RPRD2: variants seen among roughly 807,000 people sequenced by gnomAD.
RPRD2 encodes regulation of nuclear pre-mRNA domain-containing protein 2.
Under a neutral mutation model 104.4 loss-of-function variants are expected in RPRD2, and 12 were observed. The observed-to-expected ratio is 0.11, with a 90% confidence interval of 0.07 to 0.19. The LOEUF (loss-of-function observed/expected upper bound fraction) is 0.19, where lower values mean the gene tolerates loss of function less well. Among genes scored for constraint, RPRD2 ranks in the 10% least tolerant of loss-of-function variants. The pLI, the probability that RPRD2 is intolerant of heterozygous loss-of-function variation, is 1.00. For missense variants in RPRD2, 1,543 were observed against 1,790.1 expected, an observed-to-expected ratio of 0.86 and a Z score of 2.49; for synonymous variants, 714 against 684.9, an observed-to-expected ratio of 1.04 and a Z score of -0.66.
Position 150,394,448 on chromosome 1 carries a change from A to G in RPRD2, c.206-23148A>G, listed in dbSNP as rs1662334321. Among the ~76,000 whole-genome samples, 3 of 152,308 alleles carry G rather than the reference A, an allele frequency of 2.0e-5. No individual in the cohort carries two copies. In the South Asian group the frequency reaches 6.2e-4, roughly 32 times the overall value. On this transcript the variant is annotated intron_variant, in intron 1 of 10. Transcript: ENST00000369068. ...TAAATTATATTGCTCTCTACAATCT[A>G]CTTTAAGATGGTTTGGCAAAAGAGA...
chr1:150,440,908 T>G lies in RPRD2; in HGVS notation c.336-15T>G. On this transcript the variant is annotated splice_polypyrimidine_tract_variant and intron_variant, in intron 2 of 10. Coordinates refer to ENST00000369068, the MANE Select transcript of RPRD2 (RefSeq NM_015203.5). ...AAGGTTTTTATAGTCTGTATTACTT[T>G]TTCTTTGTTTTCAGGGATCCATCTG... 7.3e-7 allele frequency: 1 copy of G among 1,373,610 alleles called. No individual in the cohort carries two copies. Among genetic ancestry groups the G allele is most frequent in the Non-Finnish European group, 1.0e-6 (1 of 987,476 alleles). 85.1% of individuals were successfully genotyped at this position (1,373,610 alleles called of 1,614,324 possible).
At position 150,442,576 on chromosome 1, in the gene RPRD2, C is replaced by T. The variant is rs1666476148; in HGVS notation, c.514+618C>T. 3.3e-5 allele frequency among the ~76,000 whole-genome samples: 5 copies of T among 152,254 alleles called. No individual in the cohort carries two copies. The South Asian group carries it at 1.0e-3, about 32-fold the overall frequency. On this transcript the variant is annotated intron_variant, in intron 4 of 10. Transcript: ENST00000369068. ...GGTGTGGAGGGAACAAAGTAAAAGA[C>T]AGTGAGAATTGGGAGGTGAAACGAG...
intron 6 of RPRD2, among the ~76,000 whole-genome samples, chr1:150,445,958 C>T (rs1183350375): frequency 6.6e-6 from 1 of 151,458 alleles, no homozygotes; most frequent in Admixed American, 6.6e-5. Flanking sequence ...GTCCCAGCCA[C>T]TCGGGAGGCT....
intron 2 of RPRD2, among the ~76,000 whole-genome samples, chr1:150,435,222 C>T (rs1370896489): frequency 6.6e-6 from 1 of 152,210 alleles, no homozygotes; most frequent in Non-Finnish European, 1.5e-5. Context: ...CACTAACCCA[C>T]CATTCCCCAT....
chr1:150,400,885 T>A lies in RPRD2; in HGVS notation c.206-16711T>A, dbSNP rs377474606. Reference sequence around the variant, plus strand: ...AGCCTTTCATAGTACTTTTTTTTTTTAAAAAAAAGAGGGCTGGGCGCGGTG... The same window carrying A: ...AGCCTTTCATAGTACTTTTTTTTTTAAAAAAAAAGAGGGCTGGGCGCGGTG... On this transcript the variant is annotated intron_variant, in intron 1 of 10. Coordinates refer to ENST00000369068, the MANE Select transcript of RPRD2 (RefSeq NM_015203.5). 9.7e-3 allele frequency among the ~76,000 whole-genome samples: 1,434 copies of A among 148,592 alleles called. 12 individuals are homozygous for A. Among genetic ancestry groups the A allele is most frequent in the South Asian group, 0.035 (164 of 4,746 alleles).
At chr1:150,421,682 AAG>A (rs1664766397) in intron 2 of RPRD2, among the ~76,000 whole-genome samples, 1 of 152,206 alleles carries the variant, frequency 6.6e-6, no homozygotes, top group South Asian at 2.1e-4. Context: ...ATATTAAAAT[AAG>A]AGCTTAATGC....
At chr1:150,412,010 C>T (rs1663970652) in intron 1 of RPRD2, among the ~76,000 whole-genome samples, 1 of 151,448 alleles carries the variant, frequency 6.6e-6, no homozygotes, top group African/African-American at 2.4e-5. Flanking sequence ...GTAATCCCAG[C>T]TGCTGGAGAG....
Position 150,471,311 on chromosome 1 carries a change from C to T in RPRD2, c.2363C>T (p.Thr788Ile). Residue 788 changes from threonine to isoleucine, a missense_variant, in exon 11 of 11, where the codon ACA becomes ATA. By Grantham distance (89) the Thr-to-Ile change is moderately conservative (BLOSUM62 -1). Transcript: ENST00000369068. The surrounding 1 kb of genome is among the most constrained non-coding windows in gnomAD (Gnocchi z 5.3). ...CGAGAGCTCTCCAATTCTGTATCTA[C>T]ATATCGACCCTTTGGTCTGGGCAGT... ...YPRELSNSVS[T>I]YRPFGLGSES... 6.2e-7 allele frequency: 1 copy of T among 1,613,860 alleles called. No individual in the cohort carries two copies. Among genetic ancestry groups the T allele is most frequent in the Non-Finnish European group, 8.5e-7 (1 of 1,179,872 alleles).
At chr1:150,453,488 C>T (rs1288391930) in intron 7 of RPRD2, among the ~76,000 whole-genome samples, 1 of 152,172 alleles carries the variant, frequency 6.6e-6, no homozygotes, top group Non-Finnish European at 1.5e-5. Flanking sequence ...GGTCCATTCT[C>T]TCTAAGCCAC....
At chr1:150,399,626 G>A (rs1553884915) in intron 1 of RPRD2, among the ~76,000 whole-genome samples, 1 of 151,738 alleles carries the variant, frequency 6.6e-6, no homozygotes, top group African/African-American at 2.4e-5. Context: ...GTGTGATGGT[G>A]GGCGCCTGTA....
chr1:150,368,331 C>T (rs1660009844), intron 1 of RPRD2, among the ~76,000 whole-genome samples: 1 of 147,970 alleles, frequency 6.8e-6, no homozygotes, highest in Non-Finnish European at 1.5e-5. Flanking sequence ...TTCGCTTTGT[C>T]GTCCAGTCTG....
chr1:150,379,734 A>G (rs1268558133), intron 1 of RPRD2, among the ~76,000 whole-genome samples: 1 of 151,758 alleles, frequency 6.6e-6, no homozygotes, highest in Admixed American at 6.6e-5. Flanking sequence ...ATGGGATTTC[A>G]CCATGTGTGG....
chr1:150,409,806 G>A (rs782486045), intron 1 of RPRD2, among the ~76,000 whole-genome samples: 21 of 151,736 alleles, frequency 1.4e-4, no homozygotes, highest in Middle Eastern at 3.2e-3. Context: ...CACCACACCC[G>A]GCTAATTTTT....
At chr1:150,414,555 G>GGACCCGGAGAGGTAGGATGAA (rs1664196822) in intron 1 of RPRD2, among the ~76,000 whole-genome samples, 1 of 152,102 alleles carries the variant, frequency 6.6e-6, no homozygotes, top group African/African-American at 2.4e-5. Flanking sequence ...TTCTAGAGGA[G>GGACCCGGAGAGGTAGGATGAA]GACCCGGAGA....
At chr1:150,399,170 CTT>C (rs1553884829) in intron 1 of RPRD2, among the ~76,000 whole-genome samples, 3 of 151,852 alleles carry the variant, frequency 2.0e-5, no homozygotes. Context: ...CCTCGGTTAT[CTT>C]TTAATTTTTC....
At chr1:150,457,185 C>T (rs1667591843) in intron 7 of RPRD2, 103 bp from the exon 8 acceptor site, 3 of 1,129,642 alleles carry the variant, frequency 2.7e-6, no homozygotes, top group African/African-American at 1.6e-5. Context: ...GATTGTGCCA[C>T]TACACTCTAG....
At chr1:150,432,514 T>C (rs797032660) in intron 2 of RPRD2, among the ~76,000 whole-genome samples, 2 of 151,512 alleles carry the variant, frequency 1.3e-5, no homozygotes, top group Non-Finnish European at 2.9e-5. Flanking sequence ...ATTTTGGAAA[T>C]AGTAGTGAGA....
chr1:150,460,023 T>C, intron 8 of RPRD2, 37 bp from the exon 9 acceptor site: 1 of 1,601,826 alleles, frequency 6.2e-7, no homozygotes, highest in Non-Finnish European at 8.5e-7. Context: ...GTCTGGAAAG[T>C]AGTAGGATGT....
chr1:150,448,109 A>G (rs2102377309), intron 7 of RPRD2, among the ~76,000 whole-genome samples: 1 of 152,296 alleles, frequency 6.6e-6, no homozygotes, highest in African/African-American at 2.4e-5. Flanking sequence ...ATTTGCTCCC[A>G]TTAGTTTTCA....
Sources: allele counts gnomAD v4.1 joint callset (sites outside exome capture counted in the v4.1 genomes callset), GRCh38; gene constraint gnomAD v4.1.1; non-coding constraint Gnocchi (gnomAD v3.1); transcripts MANE v1.5; gene names NCBI Gene and HGNC (gene_info 2026-07-23, HGNC 2026-07-21).